Variants in ANKRD26 observed in about 807,000 individuals in gnomAD.
ANKRD26 encodes the protein ankyrin repeat domain 26.
A neutral mutation model predicts 208.7 loss-of-function variants in ANKRD26; 141 were observed. That is an observed-to-expected ratio of 0.68 (90% CI 0.59 to 0.78). The LOEUF is 0.78. Among genes scored for constraint, ANKRD26 ranks in the 30% least tolerant of loss-of-function variants. The pLI, the probability that ANKRD26 is intolerant of heterozygous loss-of-function variation, is 0.00. For missense variants in ANKRD26, 1,889 were observed against 1,938.7 expected (o/e 0.97, Z 0.48); for synonymous variants, 636 against 660.4 (o/e 0.96, Z 0.57).
At chr10:27,054,312 C>T (rs547362107) in intron 15 of ANKRD26, among the ~76,000 whole-genome samples, 35 of 152,210 alleles carry the variant, frequency 2.3e-4, no homozygotes, top group African/African-American at 7.7e-4. Flanking sequence ...AAACCGGGTA[C>T]GGTGGCTCAC....
chr10:26,971,057 T>G (rs1024199652), downstream of ANKRD26, among the ~76,000 whole-genome samples: 1 of 152,012 alleles, frequency 6.6e-6, no homozygotes, highest in African/African-American at 2.4e-5. Flanking sequence ...TGAGAAGAAA[T>G]TAAAAAGTTA....
chr10:27,068,910 C>T (rs1183243900), intron 9 of ANKRD26, among the ~76,000 whole-genome samples: 6 of 150,570 alleles, frequency 4.0e-5, no homozygotes, highest in Non-Finnish European at 5.9e-5. Flanking sequence ...GAAACGAGGT[C>T]GGGCGCAGCG....
chr10:27,081,054 T>C (rs140630754), intron 6 of ANKRD26: 5 of 611,312 alleles, frequency 8.2e-6, no homozygotes, highest in Non-Finnish European at 1.0e-5. Context: ...GAAGTAGTTA[T>C]AGTACATTCC....
rs1169392312 is a variant in ANKRD26, at chr10:27,064,905, C to T, written c.1270-824G>A. On this transcript the variant is annotated intron_variant, in intron 11 of 33. Transcript: ENST00000376087. The stretch of plus-strand genomic sequence containing the variant: ...TATTAAGCATGTGAAATGTGCCAGG[C>T]ACTTATTTGCACATTTTCTTTTCTA... Among the ~76,000 whole-genome samples the T allele has an allele frequency of 2.6e-5, 4 of 152,054 alleles. No homozygotes were observed. In the East Asian group the frequency reaches 7.7e-4, roughly 29 times the overall value.
In ANKRD26 at chr10:27,044,204, A is replaced by T. The variant is rs2054362621; in HGVS notation, c.1986-14T>A. 4.9e-6 allele frequency: 7 copies of T among 1,421,442 alleles called. No homozygotes were observed. Among genetic ancestry groups the T allele is most frequent in the Non-Finnish European group, 6.7e-6 (7 of 1,039,988 alleles). 88.1% of individuals were successfully genotyped at this position (1,421,442 alleles called of 1,614,324 possible). ...TTCTTAGTAGGCCTAAAAAAAAAAA[A>T]TACCTTTCAGGCAAATAGTAAACAT... On this transcript the variant is annotated splice_polypyrimidine_tract_variant and intron_variant, in intron 18 of 33. Coordinates refer to ENST00000376087, the MANE Select transcript of ANKRD26 (RefSeq NM_014915.3).
intron 4 of ANKRD26, among the ~76,000 whole-genome samples, chr10:26,996,589 G>C (rs2052598380): frequency 6.6e-6 from 1 of 152,122 alleles, no homozygotes; most frequent in Admixed American, 6.6e-5. Context: ...TCTACCATTT[G>C]GTTTTTCTAC....
At chr10:26,958,388 G>A in the ANKRD26 span, among the ~76,000 whole-genome samples, 4 of 152,020 alleles carry the variant, frequency 2.6e-5, no homozygotes, top group South Asian at 2.1e-4. Flanking sequence ...GTTCAGCCCC[G>A]ATCACCCAGT....
At chr10:26,999,219 GTAACT>G, downstream of ANKRD26, among the ~76,000 whole-genome samples, 1 of 152,168 alleles carries the variant, frequency 6.6e-6, no homozygotes, top group East Asian at 1.9e-4. Context: ...CTAGGCCATT[GTAACT>G]TAGAGTCTGC....
chr10:26,975,640 G>A (rs192903266), exon 6 of ANKRD26, among the ~76,000 whole-genome samples: 2 of 151,866 alleles, frequency 1.3e-5, no homozygotes, highest in African/African-American at 2.4e-5. Flanking sequence ...TCAGGAGTTC[G>A]AGACCAGCCT....
intron 1 of ANKRD26, among the ~76,000 whole-genome samples, chr10:27,098,561 T>G (rs1783924184): frequency 6.6e-6 from 1 of 151,592 alleles, no homozygotes; most frequent in Admixed American, 6.6e-5. Context: ...ACTTTTTTTT[T>G]TTTTTGAGAC....
At chr10:27,077,761 A>G in intron 7 of ANKRD26, 68 bp from the exon 8 acceptor site, 1 of 1,336,818 alleles carries the variant, frequency 7.5e-7, no homozygotes, top group South Asian at 1.2e-5. Flanking sequence ...AATAATCGTA[A>G]TAGATAGTCA....
Position 27,044,192 on chromosome 10 carries a change from T to TAAA in ANKRD26, c.1986-5_1986-3dup. On this transcript the variant is annotated splice_region_variant and splice_polypyrimidine_tract_variant and intron_variant, in intron 18 of 33. Coordinates refer to ENST00000376087, the MANE Select transcript of ANKRD26 (RefSeq NM_014915.3). Reference sequence around the variant, plus strand: ...TCATTAGATGTTTTCTTAGTAGGCCTAAAAAAAAAAAATACCTTTCAGGCA... The same window carrying TAAA: ...TCATTAGATGTTTTCTTAGTAGGCCTAAAAAAAAAAAAAAATACCTTTCAGGCA... 9 of 1,192,644 alleles carry TAAA rather than the reference T, an allele frequency of 7.5e-6. No individual in the cohort carries two copies. Among genetic ancestry groups the TAAA allele is most frequent in the Non-Finnish European group, 1.0e-5 (9 of 858,498 alleles). 73.9% of individuals were successfully genotyped at this position (1,192,644 alleles called of 1,614,324 possible).
chr10:27,040,090 TGTAA>T lies in ANKRD26; in HGVS notation c.2246_2249del (p.Leu749GlnfsTer2). ...TGTCTTCCATTTTTTTAATTTTTACTGTAAGTAGTTCACAGTGATTTTTTTTAAG... is the reference window on the plus strand; with the variant it reads ...TGTCTTCCATTTTTTTAATTTTTACTGTAGTTCACAGTGATTTTTTTTAAG... On this transcript the variant is annotated frameshift_variant, in exon 21 of 34. Transcript: ENST00000376087. LOFTEE classifies it high-confidence loss of function. The T allele has an allele frequency of 6.2e-7, 1 of 1,613,126 alleles. No homozygotes were observed. Among genetic ancestry groups the T allele is most frequent in the Non-Finnish European group, 8.5e-7 (1 of 1,179,502 alleles).
intron 4 of ANKRD26, among the ~76,000 whole-genome samples, chr10:27,091,703 A>G (rs1020615795): frequency 3.9e-5 from 6 of 152,212 alleles, no homozygotes; most frequent in African/African-American, 7.2e-5. Flanking sequence ...TGAGTTAAAA[A>G]GTGGCCGGGC....
chr10:27,013,407 T>G (rs1222687351), intron 31 of ANKRD26, among the ~76,000 whole-genome samples: 1 of 152,204 alleles, frequency 6.6e-6, no homozygotes, highest in Non-Finnish European at 1.5e-5. Flanking sequence ...TAACACCTGC[T>G]GCCTTCTGGA....
intron 25 of ANKRD26, among the ~76,000 whole-genome samples, chr10:27,029,894 C>T (rs2053808037): frequency 6.6e-6 from 1 of 151,982 alleles, no homozygotes; most frequent in African/African-American, 2.4e-5. Flanking sequence ...GGTGGGAATC[C>T]CAGCTCCACC....
At chr10:27,092,653 C>T in intron 3 of ANKRD26, 141 bp from the exon 4 acceptor site, 1 of 681,050 alleles carries the variant, frequency 1.5e-6, no homozygotes, top group East Asian at 2.7e-5. Flanking sequence ...TGGAAACACC[C>T]CTCCTCTGCC....
intron 15 of ANKRD26, among the ~76,000 whole-genome samples, chr10:27,053,726 C>T (rs2054743685): frequency 1.3e-5 from 2 of 152,104 alleles, no homozygotes; most frequent in African/African-American, 4.8e-5. Flanking sequence ...CTAGACAATA[C>T]CAGGTTCAAC....
At chr10:26,957,035 G>C in the ANKRD26 span, among the ~76,000 whole-genome samples, 1 of 152,174 alleles carries the variant, frequency 6.6e-6, no homozygotes, top group Non-Finnish European at 1.5e-5. Flanking sequence ...AATTTCTGTG[G>C]GTTATTGCTA....
Sources: allele counts gnomAD v4.1 joint callset (sites outside exome capture counted in the v4.1 genomes callset), GRCh38; gene constraint gnomAD v4.1.1; transcripts MANE v1.5; gene names NCBI Gene and HGNC (gene_info 2026-07-23, HGNC 2026-07-21).